Variants in ALG6 observed in about 807,000 individuals in gnomAD.
ALG6 encodes ALG6 alpha-1,3-glucosyltransferase.
ALG6 carries 46 observed loss-of-function variants against 66.6 expected under a neutral mutation model. The ratio of observed to expected loss-of-function variants is 0.69; its 90% CI spans 0.55 to 0.88. The LOEUF (loss-of-function observed/expected upper bound fraction) is 0.88, where lower values mean the gene tolerates loss of function less well. Ranked by LOEUF, ALG6 falls within the 40% of genes least tolerant of loss-of-function variation. ALG6 has a pLI of 0.00. For missense variants in ALG6, 505 were observed against 586.8 expected, an observed-to-expected ratio of 0.86 and a Z score of 1.44; for synonymous variants, 185 against 203.7, an observed-to-expected ratio of 0.91 and a Z score of 0.78.
At chr1:63,422,366 A>T (rs1281246336) in intron 12 of ALG6, among the ~76,000 whole-genome samples, 6 of 103,972 alleles carry the variant, frequency 5.8e-5, no homozygotes, top group Admixed American at 1.2e-4. Flanking sequence ...TATAAATATA[A>T]ATATATATAA....
rs540220728 is a variant in ALG6, at chr1:63,371,589, C to CATTTT, written c.82+556_82+560dup. On this transcript the variant is annotated intron_variant, in intron 2 of 14. Transcript: ENST00000263440. ...GAATAGCCAATACTCAGAGGGCCCA[C>CATTTT]ATTTTATTTTATTTTATTTTATTTT... Among the ~76,000 whole-genome samples, 316 of 152,070 alleles carry CATTTT rather than the reference C, an allele frequency of 2.1e-3. 1 individual carries two copies. Among genetic ancestry groups the CATTTT allele is most frequent in the African/African-American group, 5.0e-3 (209 of 41,464 alleles).
intron 3 of ALG6, among the ~76,000 whole-genome samples, chr1:63,400,222 C>T (rs935909432): frequency 4.1e-4 from 5 of 12,244 alleles, no homozygotes; most frequent in Non-Finnish European, 5.7e-4. Context: ...TATATATATA[C>T]GTATATATAT....
intron 2 of ALG6, among the ~76,000 whole-genome samples, chr1:63,381,506 T>C (rs1225929899): frequency 6.6e-6 from 1 of 151,760 alleles, no homozygotes; most frequent in African/African-American, 2.4e-5. Flanking sequence ...TAGGTGGGCA[T>C]GGTGGCGCAT....
intron 3 of ALG6, among the ~76,000 whole-genome samples, chr1:63,400,349 G>GTA (rs1310156763): frequency 1.1e-5 from 1 of 90,192 alleles, no homozygotes; most frequent in Non-Finnish European, 2.1e-5. Context: ...ATATATATAT[G>GTA]TATATATATA....
chr1:63,382,665 GTTTTTTTTTTTTTGTTTT>G (rs1648362059), intron 2 of ALG6, among the ~76,000 whole-genome samples: 1 of 93,600 alleles, frequency 1.1e-5, no homozygotes, highest in African/African-American at 4.7e-5. Context: ...GTTTTTTTTT[GTTTTTTTTTTTTTGTTTT>G]TTTTTTTTTT....
chr1:63,378,574 T>C (rs1214121884), intron 2 of ALG6, among the ~76,000 whole-genome samples: 2 of 152,214 alleles, frequency 1.3e-5, no homozygotes, highest in East Asian at 3.8e-4. Flanking sequence ...ACAGATAGTA[T>C]AGGCCATTCA....
chr1:63,379,162 G>A (rs761446156), intron 2 of ALG6, among the ~76,000 whole-genome samples: 16 of 152,090 alleles, frequency 1.1e-4, no homozygotes, highest in Admixed American at 3.9e-4. Flanking sequence ...AAAATAGTGA[G>A]TTTATGTAAT....
chr1:63,410,946 A>G (rs976130945), intron 7 of ALG6, among the ~76,000 whole-genome samples, 200 bp from the exon 8 acceptor site: 1 of 152,226 alleles, frequency 6.6e-6, no homozygotes, highest in African/African-American at 2.4e-5. Flanking sequence ...GCTGTTATAC[A>G]TAATTTCATG....
At chr1:63,395,845 T>C (rs1292609070) in intron 2 of ALG6, among the ~76,000 whole-genome samples, 2 of 152,242 alleles carry the variant, frequency 1.3e-5, no homozygotes, top group African/African-American at 4.8e-5. Flanking sequence ...GGATTCTATA[T>C]CTGTGGATTC....
chr1:63,400,297 GTATATATA>G (rs1351455506), intron 3 of ALG6, among the ~76,000 whole-genome samples: 56 of 4,972 alleles, frequency 0.011, 18 homozygotes, highest in African/African-American at 0.093. Flanking sequence ...ATATATATAC[GTATATATA>G]TGTATATATA....
In ALG6 at chr1:63,407,126, A is replaced by G; in HGVS notation, c.494A>G (p.Gln165Arg). Residue 165 changes from glutamine to arginine, a missense_variant and splice_region_variant, in exon 7 of 15, where the codon CAA becomes CGA. By Grantham distance (43) the Gln-to-Arg change is conservative. Coordinates refer to ENST00000263440, the MANE Select transcript of ALG6 (RefSeq NM_013339.4). ...GLILIDYGHF[Q>R]YNSVSLGFAL... ...ATTCTTATAGACTATGGACATTTTCAGTATCCTTTACTAATGCAGAAATGA... is the reference window on the plus strand; with the variant it reads ...ATTCTTATAGACTATGGACATTTTCGGTATCCTTTACTAATGCAGAAATGA... 6.2e-7 allele frequency: 1 copy of G among 1,600,886 alleles called. No individual in the cohort carries two copies. The highest frequency in any genetic ancestry group is 8.6e-7 in the Non-Finnish European group (1 of 1,168,672).
rs920755602 is a variant in ALG6 at position 63,379,701 on chromosome 1, T to C, written c.82+8642T>C. ...CTAGTTCAGCCATATATTAAAATTA[T>C]ATATTTATAAAAGTAGGATACGTAA... On this transcript the variant is annotated intron_variant, in intron 2 of 14. Coordinates refer to ENST00000263440, the MANE Select transcript of ALG6 (RefSeq NM_013339.4). Among the ~76,000 whole-genome samples, 5 of 151,200 alleles carry C rather than the reference T, an allele frequency of 3.3e-5. No homozygotes were observed. In the East Asian group the frequency reaches 9.7e-4, roughly 29 times the overall value.
intron 11 of ALG6, 124 bp from the exon 12 acceptor site, chr1:63,419,246 C>A: frequency 1.2e-6 from 1 of 813,440 alleles, no homozygotes; most frequent in Non-Finnish European, 2.0e-6. Context: ...TATTTTACTT[C>A]TAAATAGAGC....
intron 2 of ALG6, among the ~76,000 whole-genome samples, chr1:63,381,203 C>T (rs1648290377): frequency 6.6e-6 from 1 of 152,042 alleles, no homozygotes; most frequent in Non-Finnish European, 1.5e-5. Flanking sequence ...GCCTGTAATC[C>T]CAGCACTTTG....
chr1:63,386,913 T>C (rs530100255), intron 2 of ALG6, among the ~76,000 whole-genome samples: 1 of 152,190 alleles, frequency 6.6e-6, no homozygotes, highest in Non-Finnish European at 1.5e-5. Context: ...TTTTTTGACA[T>C]AGGCACTTAT....
chr1:63,401,348 G>C (rs1644464137), intron 3 of ALG6, among the ~76,000 whole-genome samples: 1 of 152,172 alleles, frequency 6.6e-6, no homozygotes, highest in African/African-American at 2.4e-5. Flanking sequence ...AAGAGATTGT[G>C]ATAGTGAGGA....
Position 63,433,615 on chromosome 1 carries a change from C to T in ALG6, c.1327-3208C>T, listed in dbSNP as rs1383846036. On this transcript the variant is annotated intron_variant, in intron 14 of 14. Transcript: ENST00000263440. This position sits in a 1 kb window ranked among gnomAD's most constrained non-coding sequence, Gnocchi z 4.2. ...TTCCTGAGTGTATGTCAAAATCTAG[C>T]CCTATTGTGATATTCACAATCTGGT... is the stretch of plus-strand genomic sequence containing the variant. Among the ~76,000 whole-genome samples the T allele has an allele frequency of 6.6e-6, 1 of 152,160 alleles. No homozygotes were observed. The highest frequency in any genetic ancestry group is 2.4e-5 in the African/African-American group (1 of 41,438).
At chr1:63,427,167 ATTTTT>A (rs534868219) in intron 12 of ALG6, among the ~76,000 whole-genome samples, 1 of 134,294 alleles carries the variant, frequency 7.4e-6, no homozygotes, top group Non-Finnish European at 1.6e-5. Context: ...TGTCCAGCTA[ATTTTT>A]TTTTTTTTTT....
chr1:63,373,464 G>A lies in ALG6; in HGVS notation c.82+2405G>A, dbSNP rs140416549. On this transcript the variant is annotated intron_variant, in intron 2 of 14. Transcript: ENST00000263440. ...TTAAAAATACAAAAATTAGCCGGGC[G>A]CACACCTGTAATCCCAGCTGCTGGG... Among the ~76,000 whole-genome samples, 541 of 151,060 alleles carry A rather than the reference G, an allele frequency of 3.6e-3. 2 individuals are homozygous for A. The highest frequency in any genetic ancestry group is 0.012 in the African/African-American group (487 of 41,274).
Sources: allele counts gnomAD v4.1 joint callset (sites outside exome capture counted in the v4.1 genomes callset), GRCh38; gene constraint gnomAD v4.1.1; non-coding constraint Gnocchi (gnomAD v3.1); transcripts MANE v1.5; gene names NCBI Gene and HGNC (gene_info 2026-07-23, HGNC 2026-07-21).